The following PARVA variants were observed in gnomAD, a reference collection of about 807,000 sequenced individuals.
PARVA encodes alpha-parvin.
PARVA carries 25 observed loss-of-function variants against 52.6 expected under a neutral mutation model. The ratio of observed to expected loss-of-function variants is 0.48; its 90% CI spans 0.35 to 0.66. The LOEUF (loss-of-function observed/expected upper bound fraction) is 0.66. PARVA is among the 30% of genes least tolerant of loss of function. PARVA has a pLI of 0.01. For missense variants in PARVA, 373 were observed against 450.9 expected, an observed-to-expected ratio of 0.83 and a Z score of 1.56; for synonymous variants, 185 against 179.1, an observed-to-expected ratio of 1.03 and a Z score of -0.26.
At chr11:12,474,045 C>T in intron 3 of PARVA, 62 bp downstream of exon 3, 1 of 1,330,380 alleles carries the variant, frequency 7.5e-7, no homozygotes, top group South Asian at 1.3e-5. Flanking sequence ...CCATATGCCA[C>T]CTGCTCTGTG....
At chr11:12,503,733 C>A (rs1589983083) in intron 5 of PARVA, among the ~76,000 whole-genome samples, 1 of 150,084 alleles carries the variant, frequency 6.7e-6, no homozygotes, top group African/African-American at 2.5e-5. Context: ...GACCCTGCTT[C>A]AAAAAAAAAG....
chr11:12,526,951 A>C (rs1456935577), intron 12 of PARVA, among the ~76,000 whole-genome samples: 1 of 152,050 alleles, frequency 6.6e-6, no homozygotes, highest in Non-Finnish European at 1.5e-5. Flanking sequence ...GAAGGGAGGA[A>C]GGGCTAAGCA....
intron 1 of PARVA, among the ~76,000 whole-genome samples, chr11:12,384,351 A>G (rs1036601433): frequency 1.3e-5 from 2 of 152,164 alleles, no homozygotes; most frequent in African/African-American, 4.8e-5. Context: ...TCTTTCAGCA[A>G]CTATTTATTG....
chr11:12,388,690 T>C (rs1416697555), intron 1 of PARVA, among the ~76,000 whole-genome samples: 2 of 152,128 alleles, frequency 1.3e-5, no homozygotes, highest in Non-Finnish European at 2.9e-5. Flanking sequence ...TTCTTTATTA[T>C]AATTTTTTTC....
intron 1 of PARVA, among the ~76,000 whole-genome samples, chr11:12,383,292 C>G (rs1452549548): frequency 2.0e-5 from 3 of 152,140 alleles, no homozygotes; most frequent in Non-Finnish European, 4.4e-5. Context: ...TTTCAACTTT[C>G]TTTCTCTGAA....
intron 4 of PARVA, among the ~76,000 whole-genome samples, chr11:12,485,441 C>T (rs1356783130): frequency 6.6e-6 from 1 of 152,082 alleles, no homozygotes; most frequent in Non-Finnish European, 1.5e-5. Flanking sequence ...GAGCCTAGAG[C>T]ATCTTGCAGT....
At chr11:12,385,243 C>T (rs1302584629) in intron 1 of PARVA, among the ~76,000 whole-genome samples, 1 of 152,078 alleles carries the variant, frequency 6.6e-6, no homozygotes, top group African/African-American at 2.4e-5. Context: ...ATGGAAGGAA[C>T]GCTTTAGCCC....
chr11:12,487,607 A>C (rs1941176628), intron 4 of PARVA, among the ~76,000 whole-genome samples: 1 of 152,198 alleles, frequency 6.6e-6, no homozygotes, highest in South Asian at 2.1e-4. Flanking sequence ...AGTTCTGCTG[A>C]ATAGCCCTGC....
chr11:12,473,135 C>A (rs1423045645), intron 1 of PARVA, among the ~76,000 whole-genome samples: 1 of 152,108 alleles, frequency 6.6e-6, no homozygotes, highest in Non-Finnish European at 1.5e-5. Flanking sequence ...CCCCAGGTCC[C>A]ACAGCTGGTT....
chr11:12,513,862 G>C, intron 9 of PARVA, 135 bp from the exon 10 acceptor site: 1 of 738,006 alleles, frequency 1.4e-6, no homozygotes, highest in East Asian at 2.7e-5. Flanking sequence ...GAGAGCTCCT[G>C]GGCCCAGGGC....
chr11:12,442,582 C>T lies in PARVA; in HGVS notation c.137-31163C>T, dbSNP rs141909995. ...AGATGTAGGGCAGAAGTCTCAGGTA[C>T]AAGACAAAAAGCCCTCATTGCTTGG... On this transcript the variant is annotated intron_variant, in intron 1 of 12. Coordinates refer to ENST00000334956, the MANE Select transcript of PARVA (RefSeq NM_018222.5). 7.9e-5 allele frequency among the ~76,000 whole-genome samples: 12 copies of T among 152,066 alleles called. No individual in the cohort carries two copies. In the East Asian group the frequency reaches 2.3e-3, roughly 30 times the overall value.
chr11:12,472,468 C>G (rs1042471502), intron 1 of PARVA, among the ~76,000 whole-genome samples: 5 of 152,062 alleles, frequency 3.3e-5, no homozygotes, highest in African/African-American at 1.2e-4. Context: ...ATGTGAATGT[C>G]AAAGACCTGC....
chr11:12,460,457 C>T (rs891406896), intron 1 of PARVA, among the ~76,000 whole-genome samples: 1 of 152,110 alleles, frequency 6.6e-6, no homozygotes, highest in Admixed American at 6.5e-5. Flanking sequence ...TATCGATGCA[C>T]CTGATACAAG....
At chr11:12,395,435 A>C (rs1435493826) in intron 1 of PARVA, among the ~76,000 whole-genome samples, 1 of 152,186 alleles carries the variant, frequency 6.6e-6, no homozygotes, top group Non-Finnish European at 1.5e-5. Context: ...GGTAGTGGTC[A>C]GTGCCGGGAG....
intron 1 of PARVA, among the ~76,000 whole-genome samples, chr11:12,465,402 T>C (rs1222273863): frequency 6.6e-6 from 1 of 152,188 alleles, no homozygotes; most frequent in Non-Finnish European, 1.5e-5. Context: ...CTTTATAAGT[T>C]ACCCAGTTTC....
chr11:12,439,896 C>A (rs1940438927), intron 1 of PARVA, among the ~76,000 whole-genome samples: 1 of 152,206 alleles, frequency 6.6e-6, no homozygotes, highest in South Asian at 2.1e-4. Flanking sequence ...TTATGCACAA[C>A]CCTTCTTAGA....
intron 1 of PARVA, among the ~76,000 whole-genome samples, chr11:12,432,590 T>C (rs1940329566): frequency 6.6e-6 from 1 of 152,204 alleles, no homozygotes; most frequent in South Asian, 2.1e-4. Flanking sequence ...GATGTTGAAG[T>C]TTGTTTGGCA....
chr11:12,405,768 C>A (rs1376026490), intron 1 of PARVA, among the ~76,000 whole-genome samples: 1 of 152,016 alleles, frequency 6.6e-6, no homozygotes, highest in Non-Finnish European at 1.5e-5. Context: ...ACCAGCCTGG[C>A]CAACATGGTG....
At chr11:12,412,851 T>C (rs1387709835) in intron 1 of PARVA, among the ~76,000 whole-genome samples, 1 of 152,244 alleles carries the variant, frequency 6.6e-6, no homozygotes, top group African/African-American at 2.4e-5. Context: ...AAACTCTTAA[T>C]AGATATTCCT....
Sources: allele counts gnomAD v4.1 joint callset (sites outside exome capture counted in the v4.1 genomes callset), GRCh38; gene constraint gnomAD v4.1.1; transcripts MANE v1.5; gene names NCBI Gene and HGNC (gene_info 2026-07-23, HGNC 2026-07-21).